Variants in NIBAN1 observed in about 807,000 individuals in gnomAD.
NIBAN1 encodes the protein protein Niban 1.
In NIBAN1, 81 loss-of-function variants were observed where a neutral mutation model predicts 75.1. The observed-to-expected ratio is 1.08, with a 90% CI of 0.90 to 1.30. The LOEUF (loss-of-function observed/expected upper bound fraction) is 1.30, where lower values mean the gene tolerates loss of function less well. NIBAN1 is among the 50% of genes most tolerant of loss of function. The pLI is 0.00. For synonymous variants in NIBAN1, 436 were observed against 424.8 expected, an observed-to-expected ratio of 1.03 and a Z score of -0.32; for missense variants, 1,133 against 1,128.1, an observed-to-expected ratio of 1.00 and a Z score of -0.06.
intron 8 of NIBAN1, among the ~76,000 whole-genome samples, chr1:184,819,115 T>C (rs938454608): frequency 2.0e-5 from 3 of 152,176 alleles, no homozygotes; most frequent in Non-Finnish European, 2.9e-5. Flanking sequence ...ACTCTTCATA[T>C]GAAGAAGAAA....
At chr1:184,899,686 C>A (rs572134696) in intron 1 of NIBAN1, among the ~76,000 whole-genome samples, 2 of 152,150 alleles carry the variant, frequency 1.3e-5, no homozygotes, top group Admixed American at 1.3e-4. Flanking sequence ...GACTGTTCTT[C>A]TACCTCGCCC....
intron 12 of NIBAN1, among the ~76,000 whole-genome samples, chr1:184,798,995 GA>G (rs944829998): frequency 1.3e-5 from 2 of 151,638 alleles, no homozygotes; most frequent in African/African-American, 2.4e-5. Flanking sequence ...TAAAAATTGA[GA>G]TTTTTTTTCA....
rs577916517 is a variant in NIBAN1, at chr1:184,947,186, G to A, written c.55+27116C>T. 9.2e-5 allele frequency among the ~76,000 whole-genome samples: 14 copies of A among 152,344 alleles called. No individual in the cohort carries two copies. The South Asian group carries it at 1.9e-3, about 20-fold the overall frequency. On this transcript the variant is annotated intron_variant, in intron 1 of 13. Coordinates refer to ENST00000367511, the MANE Select transcript of NIBAN1 (RefSeq NM_052966.4). ...TCTTTGTAAAAGTATGACAGCTCTT[G>A]TACTCAAATGACTTTAAGAAGGTTA...
chr1:184,883,567 G>T (rs1164779433), intron 5 of NIBAN1, among the ~76,000 whole-genome samples: 1 of 152,174 alleles, frequency 6.6e-6, no homozygotes, highest in Non-Finnish European at 1.5e-5. Flanking sequence ...TCACATATTG[G>T]AATGAGAAGT....
At chr1:184,947,155 T>G (rs1450713119) in intron 1 of NIBAN1, among the ~76,000 whole-genome samples, 1 of 152,198 alleles carries the variant, frequency 6.6e-6, no homozygotes, top group East Asian at 1.9e-4. Flanking sequence ...GTCCAAGTCT[T>G]TGAGATCTTT....
chr1:184,801,083 C>A (rs1164211278), intron 12 of NIBAN1, among the ~76,000 whole-genome samples: 1 of 152,130 alleles, frequency 6.6e-6, no homozygotes, highest in African/African-American at 2.4e-5. Flanking sequence ...GTAATCCTTG[C>A]ACCTGGTGGT....
At chr1:184,889,342 G>GT (rs1200093238) in intron 4 of NIBAN1, among the ~76,000 whole-genome samples, 4 of 152,118 alleles carry the variant, frequency 2.6e-5, no homozygotes, top group African/African-American at 9.7e-5. Flanking sequence ...AAAGCATTTG[G>GT]TAAGTGGCAC....
At chr1:184,922,466 A>G (rs1657582772) in intron 1 of NIBAN1, among the ~76,000 whole-genome samples, 1 of 152,160 alleles carries the variant, frequency 6.6e-6, no homozygotes, top group Non-Finnish European at 1.5e-5. Context: ...TTTAATTTTT[A>G]GCTCCCACAA....
At chr1:184,914,722 T>C (rs1361522167) in intron 1 of NIBAN1, among the ~76,000 whole-genome samples, 1 of 27,586 alleles carries the variant, frequency 3.6e-5, no homozygotes, top group Non-Finnish European at 6.3e-5. Context: ...GTTAACTTTC[T>C]TTTTTTTTTT....
rs564055622 is a variant in NIBAN1 at position 184,870,140 on chromosome 1, T to C, written c.601+14493A>G. Among the ~76,000 whole-genome samples the C allele has an allele frequency of 5.9e-5, 9 of 152,318 alleles. No individual in the cohort carries two copies. The South Asian group carries it at 1.5e-3, about 25-fold the overall frequency. ...AAAGTCTCTTCCCCCCAACTCTGATTCCACACCAAGTCATTCAGAAGCAGT... is the reference window on the plus strand; with the variant it reads ...AAAGTCTCTTCCCCCCAACTCTGATCCCACACCAAGTCATTCAGAAGCAGT... On this transcript the variant is annotated intron_variant, in intron 5 of 13. Coordinates refer to ENST00000367511, the MANE Select transcript of NIBAN1 (RefSeq NM_052966.4).
chr1:184,869,260 G>A (rs1374568921), intron 5 of NIBAN1, among the ~76,000 whole-genome samples: 1 of 152,184 alleles, frequency 6.6e-6, no homozygotes, highest in African/African-American at 2.4e-5. Context: ...TACTAGTGGA[G>A]ATCATCCATG....
chr1:184,894,180 C>T lies in NIBAN1; in HGVS notation c.213G>A (p.Leu71=). The T allele has an allele frequency of 6.2e-7, 1 of 1,609,112 alleles. No individual in the cohort carries two copies. Among genetic ancestry groups the T allele is most frequent in the Non-Finnish European group, 8.5e-7 (1 of 1,178,334 alleles). Residue 71 remains leucine, a synonymous_variant, in exon 3 of 14, where the codon TTG becomes TTA. Transcript: ENST00000367511. ...TKPPLAPGTI[L]YEAELSQFSE... is the part of the protein sequence containing the mutation. The stretch of plus-strand genomic sequence containing the variant: ...AAAATTGTGATAGCTCTGCTTCATA[C>T]AAAATAGTTCCAGGCGCCAATGGTG...
chr1:184,943,667 AC>A (rs1658151884), intron 1 of NIBAN1, among the ~76,000 whole-genome samples: 2 of 152,194 alleles, frequency 1.3e-5, no homozygotes, highest in African/African-American at 4.8e-5. Context: ...TTCAAAAATG[AC>A]CCCCAAAAAT....
chr1:184,915,951 T>A (rs1657373754), intron 1 of NIBAN1, among the ~76,000 whole-genome samples: 1 of 152,200 alleles, frequency 6.6e-6, no homozygotes, highest in Non-Finnish European at 1.5e-5. Flanking sequence ...TCAAGGAGCA[T>A]ATTATATAAC....
At chr1:184,855,862 G>A (rs497718) in intron 5 of NIBAN1, among the ~76,000 whole-genome samples, 62,431 of 149,536 alleles carry the variant, frequency 0.42, 13,123 homozygotes, top group South Asian at 0.53. Context: ...AGTGTAGATT[G>A]CCAGTTTCTA....
At chr1:184,918,816 C>T (rs1657457976) in intron 1 of NIBAN1, among the ~76,000 whole-genome samples, 1 of 152,172 alleles carries the variant, frequency 6.6e-6, no homozygotes, top group East Asian at 1.9e-4. Context: ...AAGTGCATTG[C>T]TCATCTTTGT....
chr1:184,942,284 T>C (rs191749916), intron 1 of NIBAN1, among the ~76,000 whole-genome samples: 139 of 152,394 alleles, frequency 9.1e-4, no homozygotes, highest in Non-Finnish European at 6.9e-4. Flanking sequence ...ATTAAAGTTA[T>C]ACTTTTTTAG....
chr1:184,972,853 C>T (rs898044352), intron 1 of NIBAN1, among the ~76,000 whole-genome samples: 7 of 152,230 alleles, frequency 4.6e-5, no homozygotes, highest in African/African-American at 1.7e-4. Flanking sequence ...CATTGCTTAA[C>T]TTCAAATGAT....
At position 184,829,461 on chromosome 1, in the gene NIBAN1, A is replaced by C. The variant is rs1654935249; in HGVS notation, c.717+2386T>G. 3.3e-4 allele frequency among the ~76,000 whole-genome samples: 28 copies of C among 84,012 alleles called. 2 individuals are homozygous for C. The highest frequency in any genetic ancestry group is 6.0e-4 in the Admixed American group (4 of 6,696). The allele number at this position is 84,012 out of a possible 152,430, so 55.1% of individuals were successfully genotyped here. On this transcript the variant is annotated intron_variant, in intron 6 of 13. Transcript: ENST00000367511. ...CAGAAAGGATTTATTAAATACATAT[A>C]TTCTTTTTTTTTTTTTTTTTTTTGA...
Sources: gnomAD v4.1 joint callset for allele counts (sites outside exome capture counted in the v4.1 genomes callset) on GRCh38, gnomAD v4.1.1 for gene constraint, MANE v1.5 for transcripts, NCBI Gene and HGNC (gene_info 2026-07-23, HGNC 2026-07-21) for gene names.